The following ARFGEF1 variants were observed in gnomAD, a reference collection of about 807,000 sequenced individuals.
ARFGEF1 encodes the protein brefeldin A-inhibited guanine nucleotide-exchange protein 1.
A neutral mutation model predicts 231.0 loss-of-function variants in ARFGEF1; 42 were observed. The observed-to-expected ratio is 0.18, with a 90% CI of 0.14 to 0.24. The LOEUF is 0.24. Ranked by LOEUF, ARFGEF1 falls within the 10% of genes least tolerant of loss-of-function variation. The pLI is 1.00. For synonymous variants in ARFGEF1, 710 were observed against 732.3 expected, an observed-to-expected ratio of 0.97 and a Z score of 0.49; for missense variants, 1,345 against 2,192.0, an observed-to-expected ratio of 0.61 and a Z score of 7.72.
chr8:67,189,136 G>A (rs1012636839), intron 5 of ARFGEF1, among the ~76,000 whole-genome samples: 19 of 152,186 alleles, frequency 1.2e-4, no homozygotes, highest in African/African-American at 4.6e-4. Context: ...GCAAGGTTAT[G>A]GAGCAATAGG....
chr8:67,339,748 T>C (rs1366087525), intron 1 of ARFGEF1, among the ~76,000 whole-genome samples: 3 of 109,196 alleles, frequency 2.7e-5, no homozygotes, highest in African/African-American at 1.1e-4. Context: ...GAGCTGTTCC[T>C]GGGCCTGTGG....
chr8:67,288,563 T>A (rs1805858501), intron 6 of ARFGEF1, among the ~76,000 whole-genome samples: 1 of 152,004 alleles, frequency 6.6e-6, no homozygotes, highest in African/African-American at 2.4e-5. Context: ...TGAAACCCCA[T>A]CTCTACTAAA....
chr8:67,203,147 C>T lies in ARFGEF1; in HGVS notation c.5064G>A (p.Glu1688=), dbSNP rs1326255192. The T allele has an allele frequency of 6.2e-7, 1 of 1,614,174 alleles. No homozygotes were observed. The highest frequency in any genetic ancestry group is 8.5e-7 in the Non-Finnish European group (1 of 1,180,024). The change falls in exon 36 of 39, where the codon GAG becomes GAA. Residue 1688 remains glutamate, a synonymous_variant. Transcript: ENST00000262215. ...TAAACGCTTTTGCAAATCTATGTGA[C>T]TCTAATAAGCAGTCCAGTAGCTTAA... ...QLFKLLDCLL[E]SHRFAKAFNS...
Position 67,190,759 on chromosome 8 carries a change from T to C in ARFGEF1, c.560+9637A>G, listed in dbSNP as rs1381989048. Reference sequence around the variant, plus strand: ...GGAACAAATGGAAAGGACTAGACATTGTATGTATGAGACTTTTCTCCCCCT... The same window carrying C: ...GGAACAAATGGAAAGGACTAGACATCGTATGTATGAGACTTTTCTCCCCCT... On this transcript the variant is annotated intron_variant, in intron 5 of 5. Coordinates refer to the ARFGEF1 transcript ENST00000518789. 8 of 1,597,962 alleles carry C rather than the reference T, an allele frequency of 5.0e-6. No individual in the cohort carries two copies. In the South Asian group the frequency reaches 8.8e-5, roughly 18 times the overall value.
chr8:67,310,241 G>T (rs1806938748), intron 1 of ARFGEF1, among the ~76,000 whole-genome samples: 1 of 151,896 alleles, frequency 6.6e-6, no homozygotes, highest in South Asian at 2.1e-4. Flanking sequence ...CCGAGTGCCT[G>T]CGATTGCAGG....
chr8:67,179,720 A>G (rs1303968147), intron 5 of ARFGEF1: 2 of 587,874 alleles, frequency 3.4e-6, no homozygotes, highest in Non-Finnish European at 6.0e-6. Context: ...TTTTCTGAGC[A>G]TTGGAATGTA....
At chr8:67,282,545 G>T (rs1022083593) in intron 7 of ARFGEF1, among the ~76,000 whole-genome samples, 1 of 152,166 alleles carries the variant, frequency 6.6e-6, no homozygotes, top group Non-Finnish European at 1.5e-5. Context: ...GGTCAAGTAT[G>T]TGCTCGGAAA....
At position 67,291,928 on chromosome 8, in the gene ARFGEF1, C is replaced by T. The variant is rs1806027873; in HGVS notation, c.835G>A (p.Asp279Asn). Reference sequence around the variant, plus strand: ...TCAGATCCATTTTCAGGCTCTGTGTCATCCTGAAGACTTTTATCTACATCA... The same window carrying T: ...TCAGATCCATTTTCAGGCTCTGTGTTATCCTGAAGACTTTTATCTACATCA... ...TNDVDKSLQD[D>N]TEPENGSDIS... The change falls in exon 6 of 39, where the codon GAC becomes AAC. Residue 279 changes from aspartate (D) to asparagine (N), a missense_variant. Coordinates refer to ENST00000262215, the MANE Select transcript of ARFGEF1 (RefSeq NM_006421.5). The T allele has an allele frequency of 6.2e-7, 1 of 1,613,832 alleles. No individual in the cohort carries two copies. The highest frequency in any genetic ancestry group is 8.5e-7 in the Non-Finnish European group (1 of 1,179,898).
chr8:67,300,581 G>C (rs1355569602), intron 3 of ARFGEF1, among the ~76,000 whole-genome samples: 1 of 150,736 alleles, frequency 6.6e-6, no homozygotes, highest in Non-Finnish European at 1.5e-5. Flanking sequence ...TACTTTGGGA[G>C]GCCAAGACGG....
chr8:67,194,122 C>G (rs1212767023), downstream of ARFGEF1, among the ~76,000 whole-genome samples: 1 of 152,168 alleles, frequency 6.6e-6, no homozygotes. Flanking sequence ...TCATAGAGCA[C>G]AAGGCAGGAT....
At chr8:67,248,968 T>C (rs1313737235) in intron 19 of ARFGEF1, among the ~76,000 whole-genome samples, 2 of 150,426 alleles carry the variant, frequency 1.3e-5, no homozygotes, top group East Asian at 3.9e-4. Flanking sequence ...TTTTTTGTCT[T>C]TGCTTTATCT....
At chr8:67,338,595 G>C (rs1023358398) in intron 1 of ARFGEF1, among the ~76,000 whole-genome samples, 2 of 152,172 alleles carry the variant, frequency 1.3e-5, no homozygotes, top group African/African-American at 4.8e-5. Context: ...TCTTCAAAGA[G>C]CTTCTCTAAG....
intron 1 of ARFGEF1, among the ~76,000 whole-genome samples, chr8:67,342,510 C>A (rs1808687199): frequency 6.6e-6 from 1 of 152,120 alleles, no homozygotes; most frequent in African/African-American, 2.4e-5. Context: ...CTTTGCTTCC[C>A]TGCTTTCATG....
At chr8:67,299,480 A>T in intron 3 of ARFGEF1, 125 bp from the exon 4 acceptor site, 3 of 889,488 alleles carry the variant, frequency 3.4e-6, no homozygotes, top group Non-Finnish European at 4.8e-6. Context: ...AAAAACATAA[A>T]GGTATTATCA....
intron 38 of ARFGEF1, 187 bp from the exon 39 acceptor site, chr8:67,199,285 A>G (rs1224410771): frequency 5.4e-6 from 3 of 558,020 alleles, no homozygotes; most frequent in Non-Finnish European, 9.1e-6. Context: ...TACAAACACT[A>G]TTCACTTACA....
At chr8:67,215,663 CA>C (rs1267520752) in intron 33 of ARFGEF1, among the ~76,000 whole-genome samples, 1 of 152,188 alleles carries the variant, frequency 6.6e-6, no homozygotes, top group Non-Finnish European at 1.5e-5. Context: ...AGGTTGTCAA[CA>C]GCCGCCAGAA....
chr8:67,233,757 TA>T (rs1025145602), intron 22 of ARFGEF1, among the ~76,000 whole-genome samples: 12 of 152,148 alleles, frequency 7.9e-5, no homozygotes, highest in African/African-American at 2.9e-4. Context: ...ACTTACAAGA[TA>T]AAATATAAAC....
chr8:67,261,170 GAT>G (rs1563871366), intron 14 of ARFGEF1, among the ~76,000 whole-genome samples: 16 of 152,264 alleles, frequency 1.1e-4, no homozygotes, highest in Middle Eastern at 6.8e-3. Flanking sequence ...ATGTAGCTAC[GAT>G]CATTTATGAA....
At chr8:67,284,997 G>A (rs980729339) in intron 7 of ARFGEF1, among the ~76,000 whole-genome samples, 16 of 151,118 alleles carry the variant, frequency 1.1e-4, no homozygotes, top group African/African-American at 1.9e-4. Context: ...TAGCTTGAAC[G>A]GATTCCTACT....
Sources: allele counts gnomAD v4.1 joint callset (sites outside exome capture counted in the v4.1 genomes callset), GRCh38; gene constraint gnomAD v4.1.1; transcripts MANE v1.5; gene names NCBI Gene and HGNC (gene_info 2026-07-23, HGNC 2026-07-21).